Variants in WWP1 observed in about 807,000 individuals in gnomAD.
WWP1 encodes NEDD4-like E3 ubiquitin-protein ligase WWP1.
A neutral mutation model predicts 130.6 loss-of-function variants in WWP1; 49 were observed. The observed-to-expected ratio is 0.38, with a 90% CI of 0.30 to 0.48. The LOEUF (loss-of-function observed/expected upper bound fraction) is 0.48. Among genes scored for constraint, WWP1 ranks in the 20% least tolerant of loss-of-function variants. WWP1 has a pLI of 0.99. For missense variants in WWP1, 809 were observed against 1,100.6 expected, an observed-to-expected ratio of 0.74 and a Z score of 3.75; for synonymous variants, 332 against 367.8, an observed-to-expected ratio of 0.90 and a Z score of 1.11.
intron 8 of WWP1, among the ~76,000 whole-genome samples, chr8:86,407,112 G>C (rs1319133461): frequency 6.6e-6 from 1 of 152,126 alleles, no homozygotes; most frequent in Non-Finnish European, 1.5e-5. Context: ...AGTGGGTGTG[G>C]TCTTATGTCT....
chr8:86,406,563 G>A (rs537644869), intron 8 of WWP1, among the ~76,000 whole-genome samples: 63 of 152,164 alleles, frequency 4.1e-4, no homozygotes, highest in Non-Finnish European at 7.2e-4. Context: ...CTCCTCCAGT[G>A]TTAACATCTT....
chr8:86,431,055 G>T, intron 12 of WWP1, among the ~76,000 whole-genome samples: 1 of 129,920 alleles, frequency 7.7e-6, no homozygotes, highest in East Asian at 2.1e-4. Flanking sequence ...ATATTATAAG[G>T]GATATATATA....
In WWP1 at chr8:86,468,433, T is replaced by TA. The variant is rs200863041; in HGVS notation, c.*1550dup. ...CTGGTAATTTTCAAGCCTAAAGAAT[T>TA]AAAAAAAAAATTCTAATGTATGTGA... is the stretch of plus-strand genomic sequence containing the variant. On this transcript the variant is annotated 3_prime_UTR_variant, in exon 25 of 25. Transcript: ENST00000517970. 1.8e-3 allele frequency: 751 copies of TA among 411,526 alleles called. 1 individual carries two copies. Among genetic ancestry groups the TA allele is most frequent in the African/African-American group, 7.7e-3 (367 of 47,564 alleles). The allele number at this position is 411,526 out of a possible 1,614,324, so 25.5% of individuals were successfully genotyped here.
chr8:86,404,840 T>G (rs527628877), intron 8 of WWP1, among the ~76,000 whole-genome samples: 1 of 152,336 alleles, frequency 6.6e-6, no homozygotes, highest in African/African-American at 2.4e-5. Context: ...GGCTGTTGAT[T>G]CTGTGCACTT....
At position 86,369,607 on chromosome 8, in the gene WWP1, A is replaced by G. The variant is rs79732777; in HGVS notation, c.-22+576A>G. Among the ~76,000 whole-genome samples, 1,357 of 152,302 alleles carry G rather than the reference A, an allele frequency of 8.9e-3. 12 individuals carry two copies. The highest frequency in any genetic ancestry group is 0.014 in the Non-Finnish European group (920 of 68,000). ...ATTGTAAACTTTTAAGATTCTTCTCAAATAAGTAATCTATGCCTCTTGCCT... is the reference window on the plus strand; with the variant it reads ...ATTGTAAACTTTTAAGATTCTTCTCGAATAAGTAATCTATGCCTCTTGCCT... On this transcript the variant is annotated intron_variant, in intron 2 of 24. Transcript: ENST00000517970.
At chr8:86,432,468 C>A (rs1222918644) in intron 14 of WWP1, among the ~76,000 whole-genome samples, 2 of 151,674 alleles carry the variant, frequency 1.3e-5, no homozygotes, top group East Asian at 1.9e-4. Flanking sequence ...ACAGTTATCA[C>A]CTTTGTGTTG....
Position 86,448,280 on chromosome 8 carries a change from AG to A in WWP1, c.2132+1del. On this transcript the variant is annotated frameshift_variant and splice_region_variant, in exon 19 of 25. Transcript: ENST00000517970. LOFTEE classifies it high-confidence loss of function. ...ATTTTATAACTCCCTTATCTGGATAAGGTTTGAAGATTTTGTTTTGCAATAA... is the reference window on the plus strand; with the variant it reads ...ATTTTATAACTCCCTTATCTGGATAAGTTTGAAGATTTTGTTTTGCAATAA... ...TEFYNSLIWI[R>X]DNNIEECGLE... is the part of the protein sequence containing the mutation. The A allele has an allele frequency of 6.3e-7, 1 of 1,581,908 alleles. No individual in the cohort carries two copies. Among genetic ancestry groups the A allele is most frequent in the Non-Finnish European group, 8.5e-7 (1 of 1,170,772 alleles).
intron 5 of WWP1, among the ~76,000 whole-genome samples, chr8:86,384,282 G>A (rs1165971448): frequency 1.3e-5 from 2 of 152,068 alleles, no homozygotes; most frequent in South Asian, 4.2e-4. Flanking sequence ...CCAAACAAAA[G>A]GTAAATAAAT....
intron 1 of WWP1, among the ~76,000 whole-genome samples, chr8:86,368,162 T>C (rs1173215763): frequency 6.6e-6 from 1 of 152,078 alleles, no homozygotes; most frequent in Non-Finnish European, 1.5e-5. Flanking sequence ...TCATATACTC[T>C]AAGTGCTAAG....
At chr8:86,464,657 C>A (rs1440251813) in intron 24 of WWP1, among the ~76,000 whole-genome samples, 1 of 152,066 alleles carries the variant, frequency 6.6e-6, no homozygotes, top group Non-Finnish European at 1.5e-5. Flanking sequence ...CTGGGACCAC[C>A]AGTGCACGCC....
chr8:86,389,422 A>C (rs559000517), intron 5 of WWP1, among the ~76,000 whole-genome samples: 3 of 152,312 alleles, frequency 2.0e-5, no homozygotes, highest in Non-Finnish European at 4.4e-5. Context: ...CCCTTAATCC[A>C]TTTAACCCTG....
chr8:86,355,385 C>T (rs1823194779), intron 1 of WWP1, among the ~76,000 whole-genome samples: 1 of 152,182 alleles, frequency 6.6e-6, no homozygotes, highest in South Asian at 2.1e-4. Flanking sequence ...CTCCATGACT[C>T]TGCTTTGTGC....
At chr8:86,350,661 G>T (rs560950847) in intron 1 of WWP1, among the ~76,000 whole-genome samples, 7 of 152,170 alleles carry the variant, frequency 4.6e-5, no homozygotes, top group African/African-American at 1.7e-4. Flanking sequence ...TAAATTATTT[G>T]GGTAGTTAAA....
intron 1 of WWP1, among the ~76,000 whole-genome samples, chr8:86,360,248 T>G (rs1220005033): frequency 6.6e-6 from 1 of 152,300 alleles, no homozygotes; most frequent in East Asian, 1.9e-4. Context: ...CTGGTGGTTT[T>G]TTTTGCTTGG....
chr8:86,356,752 A>G (rs1201603943), intron 1 of WWP1, among the ~76,000 whole-genome samples: 1 of 152,178 alleles, frequency 6.6e-6, no homozygotes, highest in Non-Finnish European at 1.5e-5. Context: ...ATAGTAACTG[A>G]TATCCTTTCC....
At chr8:86,392,553 A>T (rs1375417923) in intron 5 of WWP1, among the ~76,000 whole-genome samples, 1 of 152,214 alleles carries the variant, frequency 6.6e-6, no homozygotes, top group Non-Finnish European at 1.5e-5. Context: ...ATTATGTCCA[A>T]AATGATTTAT....
intron 18 of WWP1, among the ~76,000 whole-genome samples, chr8:86,446,173 G>T (rs1436978444): frequency 2.0e-5 from 3 of 147,754 alleles, no homozygotes; most frequent in Non-Finnish European, 3.0e-5. Flanking sequence ...ATAGAGATGG[G>T]GTTTCACCAT....
intron 2 of WWP1, 59 bp from the exon 3 acceptor site, chr8:86,373,971 A>G (rs766932058): frequency 1.1e-4 from 141 of 1,280,088 alleles, no homozygotes; most frequent in Non-Finnish European, 1.4e-4. Context: ...TAGTTTTAAT[A>G]TCTTGAAAAT....
At chr8:86,423,063 A>ATTTT (rs200170387) in intron 9 of WWP1, among the ~76,000 whole-genome samples, 193 of 140,620 alleles carry the variant, frequency 1.4e-3, no homozygotes, top group Middle Eastern at 3.8e-3. Flanking sequence ...AGGTTTCTTC[A>ATTTT]TTTTTTTTTT....
Sources: gnomAD v4.1 joint callset for allele counts (sites outside exome capture counted in the v4.1 genomes callset) on GRCh38, gnomAD v4.1.1 for gene constraint, MANE v1.5 for transcripts, NCBI Gene and HGNC (gene_info 2026-07-23, HGNC 2026-07-21) for gene names.